Variants in TENM1 observed in about 807,000 individuals in gnomAD.
The protein encoded by TENM1 is teneurin transmembrane protein 1.
Under a neutral mutation model 174.8 loss-of-function variants are expected in TENM1, and 35 were observed. The observed-to-expected ratio is 0.20, with a 90% confidence interval of 0.15 to 0.27. The LOEUF is 0.27. Ranked by LOEUF, TENM1 falls within the 10% of genes least tolerant of loss-of-function variation. The pLI is 1.00. For missense variants in TENM1, 1,633 were observed against 2,130.1 expected, an observed-to-expected ratio of 0.77 and a Z score of 4.59; for synonymous variants, 781 against 798.7, an observed-to-expected ratio of 0.98 and a Z score of 0.37.
chrX:124,673,283 G>A (rs763758043), intron 5 of TENM1, among the ~76,000 whole-genome samples: 1 of 111,822 alleles, frequency 8.9e-6, no homozygotes, highest in South Asian at 3.7e-4. Context: ...GGAAGTTAAC[G>A]CCAGAAAGGA....
the TENM1 span, among the ~76,000 whole-genome samples, chrX:125,167,189 T>C: frequency 8.9e-6 from 1 of 111,899 alleles, no homozygotes; most frequent in Non-Finnish European, 1.9e-5. Flanking sequence ...TGAAATGATT[T>C]GGTGATTTCA....
chrX:124,395,717 G>A (rs992440132), intron 27 of TENM1, among the ~76,000 whole-genome samples: 10 of 111,783 alleles, frequency 8.9e-5, no homozygotes, highest in African/African-American at 1.3e-4. Context: ...GATACAACGG[G>A]CCTGGAAGCC....
intron 3 of TENM1, among the ~76,000 whole-genome samples, chrX:124,809,036 G>C (rs764110515): frequency 4.5e-5 from 5 of 111,275 alleles, no homozygotes; most frequent in Non-Finnish European, 9.4e-5. Flanking sequence ...GAATGAAACA[G>C]AGGTTTTTTT....
intron 3 of TENM1, among the ~76,000 whole-genome samples, chrX:124,839,562 G>A (rs1248365364): frequency 9.0e-6 from 1 of 111,279 alleles, no homozygotes; most frequent in Non-Finnish European, 1.9e-5. Flanking sequence ...AAAGAAAATG[G>A]AATACTCAGT....
rs973559462 is a variant in TENM1 at position 124,650,223 on chromosome X, A to G, written c.1579+1691T>C. Among the ~76,000 whole-genome samples, 456 of 104,316 alleles carry G rather than the reference A, an allele frequency of 4.4e-3. 4 individuals are homozygous for G. The highest frequency in any genetic ancestry group is 0.017 in the African/African-American group (446 of 26,199). The allele number at this position is 104,316 out of a possible 115,157, so 90.6% of individuals were successfully genotyped here. A position where few individuals can be genotyped will look rare whatever the true frequency, so the allele number is the denominator to read the frequency against. ...TCCAAAAAAAAAAAAAAAAAAAAAA[A>G]AAAAAGAAAGAGGAGAATTTAGGGT... is the stretch of plus-strand genomic sequence containing the variant. On this transcript the variant is annotated intron_variant, in intron 8 of 31. Transcript: ENST00000422452.
chrX:124,864,270 C>A (rs1344503380), intron 3 of TENM1, among the ~76,000 whole-genome samples: 1 of 111,991 alleles, frequency 8.9e-6, no homozygotes, highest in African/African-American at 3.3e-5. Flanking sequence ...AGAGACCAAT[C>A]TTGGAGAAAC....
intron 23 of TENM1, among the ~76,000 whole-genome samples, chrX:124,430,217 T>C (rs2060763561): frequency 8.9e-6 from 1 of 111,843 alleles, no homozygotes; most frequent in African/African-American, 3.3e-5. Flanking sequence ...TTCATGGAAC[T>C]TGGAGTCTGG....
intron 6 of TENM1, among the ~76,000 whole-genome samples, chrX:124,658,929 G>T (rs1342356162): frequency 1.8e-5 from 2 of 111,754 alleles, no homozygotes; most frequent in Non-Finnish European, 3.8e-5. Context: ...CTATTTAGAA[G>T]GATTTCTTTA....
chrX:124,621,872 G>C (rs886917973), intron 11 of TENM1, among the ~76,000 whole-genome samples: 23 of 112,229 alleles, frequency 2.0e-4, no homozygotes, highest in Non-Finnish European at 3.6e-4. Context: ...TAAAAATGGA[G>C]AAATGCTTTG....
intron 11 of TENM1, among the ~76,000 whole-genome samples, chrX:124,601,113 A>G (rs1476299610): frequency 8.9e-6 from 1 of 111,967 alleles, no homozygotes; most frequent in Non-Finnish European, 1.9e-5. Flanking sequence ...TAAGCTTGTG[A>G]TTGTTACCAA....
intron 11 of TENM1, among the ~76,000 whole-genome samples, chrX:124,630,021 T>C (rs2050722363): frequency 8.9e-6 from 1 of 112,043 alleles, no homozygotes; most frequent in African/African-American, 3.2e-5. Context: ...TCCTCATCTA[T>C]AAAAGGAAAG....
chrX:124,942,480 T>C (rs1458684525), intron 1 of TENM1, among the ~76,000 whole-genome samples: 3 of 111,759 alleles, frequency 2.7e-5, no homozygotes, highest in African/African-American at 9.8e-5. Context: ...AGTTCCAAAA[T>C]GTACCTTTGA....
chrX:124,531,410 G>C (rs2048104008), intron 15 of TENM1, among the ~76,000 whole-genome samples: 1 of 111,254 alleles, frequency 9.0e-6, no homozygotes, highest in Admixed American at 9.6e-5. Context: ...ATATGTTTTA[G>C]CCAATAAACC....
chrX:124,384,139 G>A (rs184919933), exon 30 of TENM1: 10 of 1,209,759 alleles, frequency 8.3e-6, no homozygotes, highest in African/African-American at 3.5e-5. Flanking sequence ...ACTTACTCGC[G>A]ACACGTCGCC....
intron 10 of TENM1, among the ~76,000 whole-genome samples, chrX:124,643,424 A>C (rs918769785): frequency 9.9e-5 from 11 of 111,597 alleles, no homozygotes; most frequent in African/African-American, 3.6e-4. Context: ...GCCCTTTTAA[A>C]AAGAACTGCT....
At chrX:124,586,058 C>CA (rs1361993371) in intron 11 of TENM1, among the ~76,000 whole-genome samples, 3 of 109,588 alleles carry the variant, frequency 2.7e-5, no homozygotes, top group African/African-American at 1.0e-4. Context: ...GCTTACCAAC[C>CA]AAAAAGAGTC....
At chrX:125,042,702 A>G in the TENM1 span, among the ~76,000 whole-genome samples, 3 of 111,837 alleles carry the variant, frequency 2.7e-5, no homozygotes, top group Admixed American at 9.6e-5. Flanking sequence ...AAATATTCAC[A>G]TATTAAAAGA....
intron 28 of TENM1, among the ~76,000 whole-genome samples, chrX:124,389,642 C>T (rs996122078): frequency 2.3e-4 from 26 of 110,769 alleles, no homozygotes; most frequent in African/African-American, 8.5e-4. Flanking sequence ...TTCCTTCTTC[C>T]CTCCCTTACT....
At chrX:124,994,413 C>T in the TENM1 span, among the ~76,000 whole-genome samples, 1 of 109,060 alleles carries the variant, frequency 9.2e-6, no homozygotes, top group Non-Finnish European at 1.9e-5. Context: ...CCAAGCCCTG[C>T]TCTAGAAGAG....
Sources: gnomAD v4.1 joint callset for allele counts (sites outside exome capture counted in the v4.1 genomes callset) on GRCh38, gnomAD v4.1.1 for gene constraint, MANE v1.5 for transcripts, NCBI Gene and HGNC (gene_info 2026-07-23, HGNC 2026-07-21) for gene names.